Variants in MTURN observed in about 807,000 individuals in gnomAD.
MTURN encodes the protein maturin.
In MTURN, 7 loss-of-function variants were observed where a neutral mutation model predicts 14.9. That is an observed-to-expected ratio of 0.47 (90% confidence interval 0.27 to 0.88). The LOEUF (loss-of-function observed/expected upper bound fraction) is 0.88. Among genes scored for constraint, MTURN ranks in the 40% least tolerant of loss-of-function variants. MTURN has a pLI of 0.14. For synonymous variants in MTURN, 69 were observed against 72.5 expected (o/e 0.95, Z 0.25); for missense variants, 151 against 174.1 (o/e 0.87, Z 0.75).
intron 1 of MTURN, chr7:30,137,840 T>C (rs539510828): frequency 8.5e-6 from 3 of 352,478 alleles, no homozygotes; most frequent in African/African-American, 6.4e-5. Flanking sequence ...AATGTCTACA[T>C]GAGCATTTCT....
At chr7:30,144,892 T>C (rs1037753085) in intron 1 of MTURN, among the ~76,000 whole-genome samples, 15 of 151,194 alleles carry the variant, frequency 9.9e-5, no homozygotes, top group African/African-American at 3.6e-4. Context: ...CTTGTTCTTA[T>C]CTGCCAGATG....
chr7:30,154,292 C>T (rs1797253042), intron 2 of MTURN, among the ~76,000 whole-genome samples: 2 of 152,154 alleles, frequency 1.3e-5, no homozygotes, highest in Non-Finnish European at 2.9e-5. Context: ...CAACACCCTC[C>T]CGCTAATGAC....
chr7:30,145,899 GGCCACCCACT>G lies in MTURN; in HGVS notation c.163-274_163-265del, dbSNP rs745591864. 1,296 of 1,551,702 alleles carry G rather than the reference GGCCACCCACT, an allele frequency of 8.4e-4. 3 individuals are homozygous for G. Among genetic ancestry groups the G allele is most frequent in the Admixed American group, 2.2e-3 (113 of 51,010 alleles). ...ACAGTGGAAATCATTGGTGAGGAAT[GGCCACCCACT>G]GCCCTCTTTACTGTGTAGGAGCAGA... is the stretch of plus-strand genomic sequence containing the variant. On this transcript the variant is annotated intron_variant, in intron 1 of 2. Coordinates refer to ENST00000324453, the MANE Select transcript of MTURN (RefSeq NM_152793.3).
intron 1 of MTURN, among the ~76,000 whole-genome samples, chr7:30,139,050 A>G (rs1797009620): frequency 6.6e-6 from 1 of 152,180 alleles, no homozygotes; most frequent in South Asian, 2.1e-4. Context: ...TGCCACTGCC[A>G]CTAGACTCTA....
intron 2 of MTURN, among the ~76,000 whole-genome samples, chr7:30,153,313 C>T (rs910538084): frequency 2.0e-5 from 3 of 152,198 alleles, no homozygotes; most frequent in Non-Finnish European, 4.4e-5. Flanking sequence ...GAATTCCAGG[C>T]AGTCTATTTC....
Position 30,157,455 on chromosome 7 carries a change from T to C in MTURN, c.303T>C (p.Asp101=), listed in dbSNP as rs767050424. 1.9e-6 allele frequency: 3 copies of C among 1,600,960 alleles called. No homozygotes were observed. The South Asian group carries it at 3.4e-5, about 18-fold the overall frequency. The change falls in exon 3 of 3, where the codon GAT becomes GAC. Residue 101 remains aspartate (D), a synonymous_variant. Coordinates refer to ENST00000324453, the MANE Select transcript of MTURN (RefSeq NM_152793.3). The part of the protein sequence containing the change: ...KSFRPLLGLP[D]ADDDAFEEYS... ...CCCTGTAGTTACTGGGGCTTCCGGA[T>C]GCAGATGACGATGCGTTTGAAGAGT...
At chr7:30,145,039 C>T (rs1000591255) in intron 1 of MTURN, among the ~76,000 whole-genome samples, 7 of 151,196 alleles carry the variant, frequency 4.6e-5, no homozygotes, top group Non-Finnish European at 1.0e-4. Flanking sequence ...CTGGAAGCCC[C>T]GTGTCCCTGA....
rs138035596 is a variant in MTURN at position 30,138,416 on chromosome 7, C to G, written c.162+3118C>G. Reference sequence around the variant, plus strand: ...AGGCGTGAGCCACTGCACCTGGCCTCTATGCCATAGTTTCTACATCTGTAA... The same window carrying G: ...AGGCGTGAGCCACTGCACCTGGCCTGTATGCCATAGTTTCTACATCTGTAA... On this transcript the variant is annotated intron_variant, in intron 1 of 2. Coordinates refer to ENST00000324453, the MANE Select transcript of MTURN (RefSeq NM_152793.3). 1.3e-3 allele frequency among the ~76,000 whole-genome samples: 194 copies of G among 152,280 alleles called. 1 individual carries two copies. The highest frequency in any genetic ancestry group is 4.5e-3 in the African/African-American group (189 of 41,574).
intron 1 of MTURN, among the ~76,000 whole-genome samples, chr7:30,136,902 G>A (rs376537101): frequency 1.4e-4 from 21 of 152,272 alleles, no homozygotes; most frequent in East Asian, 1.3e-3. Flanking sequence ...GAGACCTGGG[G>A]TTTCCCAGAA....
intron 1 of MTURN, among the ~76,000 whole-genome samples, chr7:30,140,698 G>T (rs1797037964): frequency 6.6e-6 from 1 of 152,128 alleles, no homozygotes; most frequent in South Asian, 2.1e-4. Flanking sequence ...TTCCACATTG[G>T]CTGTGCCTGT....
At chr7:30,153,160 C>G (rs1797237341) in intron 2 of MTURN, among the ~76,000 whole-genome samples, 1 of 152,090 alleles carries the variant, frequency 6.6e-6, no homozygotes, top group African/African-American at 2.4e-5. Context: ...CAGAATTCTT[C>G]CCAGTCTGTG....
intron 1 of MTURN, among the ~76,000 whole-genome samples, chr7:30,140,176 G>C (rs1024687166): frequency 6.6e-6 from 1 of 152,116 alleles, no homozygotes; most frequent in Non-Finnish European, 1.5e-5. Context: ...CAGCCCATCT[G>C]GGGGCCTGGA....
intron 2 of MTURN, among the ~76,000 whole-genome samples, chr7:30,155,737 A>G (rs924269641): frequency 1.3e-5 from 2 of 152,126 alleles, no homozygotes; most frequent in Admixed American, 6.5e-5. Context: ...CTAGCAGATG[A>G]TTTTGTCCTG....
At chr7:30,141,706 G>A (rs1339103412) in intron 1 of MTURN, among the ~76,000 whole-genome samples, 1 of 151,986 alleles carries the variant, frequency 6.6e-6, no homozygotes, top group Non-Finnish European at 1.5e-5. Context: ...TATTTTTTGT[G>A]GAGACTGGAG....
intron 2 of MTURN, among the ~76,000 whole-genome samples, chr7:30,150,892 G>GTGTC (rs973176612): frequency 1.3e-5 from 2 of 152,220 alleles, no homozygotes; most frequent in African/African-American, 4.8e-5. Flanking sequence ...CTTGGCCTCA[G>GTGTC]TGTCCCCAGC....
rs541791439 is a variant in MTURN, at chr7:30,160,920, A to T, written c.*3372A>T. On this transcript the variant is annotated 3_prime_UTR_variant, in exon 3 of 3. Transcript: ENST00000324453. ...ACATGGTGCAATGGAAAAGTCTCTT[A>T]TGTAGGGATCCTCCTTGTGTCCTGG... is the stretch of plus-strand genomic sequence containing the variant. The T allele has an allele frequency of 6.6e-6, 1 of 152,648 alleles. No individual in the cohort carries two copies. Among genetic ancestry groups the T allele is most frequent in the Non-Finnish European group, 1.5e-5 (1 of 68,054 alleles). 9.5% of individuals were successfully genotyped at this position (152,648 alleles called of 1,614,324 possible).
At chr7:30,151,865 T>A (rs1797217965) in intron 2 of MTURN, among the ~76,000 whole-genome samples, 1 of 152,104 alleles carries the variant, frequency 6.6e-6, no homozygotes, top group Non-Finnish European at 1.5e-5. Context: ...GCCAGAAAAA[T>A]CCCCCTAATT....
intron 1 of MTURN, among the ~76,000 whole-genome samples, chr7:30,138,260 C>T (rs571494102): frequency 5.3e-5 from 8 of 152,256 alleles, no homozygotes; most frequent in African/African-American, 9.6e-5. Flanking sequence ...GGATTAAAGG[C>T]GTGCACCCCA....
At chr7:30,135,366 C>T (rs1796929867) in intron 1 of MTURN, 68 bp downstream of exon 1, 3 of 1,380,286 alleles carry the variant, frequency 2.2e-6, no homozygotes, top group African/African-American at 3.1e-5. Context: ...TCCCTGCGCC[C>T]GAGCTCCCGC....
Sources: gnomAD v4.1 joint callset for allele counts (sites outside exome capture counted in the v4.1 genomes callset) on GRCh38, gnomAD v4.1.1 for gene constraint, MANE v1.5 for transcripts, NCBI Gene and HGNC (gene_info 2026-07-23, HGNC 2026-07-21) for gene names.